Variants in NXF1 observed in about 807,000 individuals in gnomAD.
The protein encoded by NXF1 is nuclear RNA export factor 1.
NXF1 carries 43 observed loss-of-function variants against 92.4 expected under a neutral mutation model. The observed-to-expected ratio is 0.47, with a 90% CI of 0.36 to 0.60. NXF1 has a LOEUF of 0.60. NXF1 is among the 20% of genes least tolerant of loss of function. The pLI is 0.00. For missense variants in NXF1, 576 were observed against 793.0 expected, an observed-to-expected ratio of 0.73 and a Z score of 3.29; for synonymous variants, 288 against 292.2, an observed-to-expected ratio of 0.99 and a Z score of 0.15.
intron 13 of NXF1, 129 bp from the exon 14 acceptor site, chr11:62,796,696 C>T (rs1565198545): frequency 3.0e-6 from 2 of 656,226 alleles, no homozygotes; most frequent in Admixed American, 5.0e-5. Flanking sequence ...CTTTGGGAGG[C>T]TGAGATGGGT....
intron 10 of NXF1, chr11:62,800,121 G>A: frequency 7.4e-7 from 1 of 1,343,514 alleles, no homozygotes; most frequent in South Asian, 1.8e-5. Flanking sequence ...TTCTAGAAAA[G>A]GTTGTGTTCA....
rs765813168 is a variant in NXF1 at position 62,795,956 on chromosome 11, C to G, written c.1462-13G>C. 2 of 1,613,850 alleles carry G rather than the reference C, an allele frequency of 1.2e-6. No homozygotes were observed. Among genetic ancestry groups the G allele is most frequent in the African/African-American group, 1.3e-5 (1 of 74,922 alleles). On this transcript the variant is annotated splice_polypyrimidine_tract_variant and intron_variant, in intron 16 of 20. Transcript: ENST00000294172. ...ACAGCAATGTGCTCTGAAAGAGAAGCAGCATCAGGTACAATGTACACTTCT... is the reference window on the plus strand; with the variant it reads ...ACAGCAATGTGCTCTGAAAGAGAAGGAGCATCAGGTACAATGTACACTTCT...
At position 62,796,071 on chromosome 11, in the gene NXF1, G is replaced by C. The variant is rs995941688; in HGVS notation, c.1456C>G (p.Gln486Glu). Residue 486 changes from glutamine (Q) to glutamate (E), a missense_variant, in exon 16 of 21, where the codon CAG (glutamine) becomes GAG (glutamate). Around this residue, in one of 2 missense-constraint regions of NXF1, gnomAD observed 425 missense variants for 635.2 expected, o/e 0.67. Coordinates refer to ENST00000294172, the MANE Select transcript of NXF1 (RefSeq NM_006362.5). The part of the protein sequence containing the change: ...VNSFVVDISA[Q>E]TSTLLCFSVN... ...AGGCGCAAGCAGGAGCTTACTGTCT[G>C]GGCGCTTATGTCTACCACGAAGGAA... The C allele has an allele frequency of 1.2e-6, 2 of 1,613,030 alleles. No individual in the cohort carries two copies. Among genetic ancestry groups the C allele is most frequent in the African/African-American group, 1.3e-5 (1 of 74,498 alleles).
In NXF1 at chr11:62,801,647, G is replaced by A; in HGVS notation, c.640-16C>T. The A allele has an allele frequency of 6.2e-7, 1 of 1,614,010 alleles. No homozygotes were observed. Among genetic ancestry groups the A allele is most frequent in the Non-Finnish European group, 8.5e-7 (1 of 1,179,938 alleles). On this transcript the variant is annotated splice_polypyrimidine_tract_variant and intron_variant, in intron 6 of 20. Transcript: ENST00000294172. ...TCATGATCAGCTAGAGGAAAAAGAAGGGTTTAGTGGTCACTGGGTTTGTGT... is the reference window on the plus strand; with the variant it reads ...TCATGATCAGCTAGAGGAAAAAGAAAGGTTTAGTGGTCACTGGGTTTGTGT...
intron 1 of NXF1, 125 bp from the exon 2 acceptor site, chr11:62,804,103 T>A (rs1490230408): frequency 2.3e-5 from 37 of 1,576,774 alleles, no homozygotes; most frequent in Admixed American, 3.6e-5. Flanking sequence ...GCCATCTCCA[T>A]GCAAACTCCG....
intron 20 of NXF1, 59 bp from the exon 21 acceptor site, chr11:62,792,573 T>G: frequency 6.2e-7 from 1 of 1,612,938 alleles, no homozygotes; most frequent in Non-Finnish European, 8.5e-7. Flanking sequence ...GCAACCCCAC[T>G]CAGCTAACCT....
chr11:62,801,521 C>A (rs568642806), intron 7 of NXF1, 41 bp downstream of exon 7: 2 of 1,611,252 alleles, frequency 1.2e-6, no homozygotes, highest in African/African-American at 2.7e-5. Context: ...CAGATCCCAC[C>A]TTATCACCAC....
At position 62,800,424 on chromosome 11, in the gene NXF1, A is replaced by G. The variant is rs2084466459; in HGVS notation, c.969T>C (p.Asp323=). The part of the protein sequence containing the change: ...KGLKLEELWL[D]GNSLCDTFRD... ...GGAAGGTGTCACACAGGGAGTTTCC[A>G]TCGAGCCAGAGCTCTTCTAGCTTCA... Residue 323 remains aspartate (D), a synonymous_variant, in exon 10 of 21, where the codon GAT becomes GAC. Coordinates refer to ENST00000294172, the MANE Select transcript of NXF1 (RefSeq NM_006362.5). 1.2e-6 allele frequency: 2 copies of G among 1,613,938 alleles called. No homozygotes were observed. Among genetic ancestry groups the G allele is most frequent in the Admixed American group, 3.3e-5 (2 of 59,986 alleles).
chr11:62,799,853 T>A, intron 10 of NXF1: 2 of 986,698 alleles, frequency 2.0e-6, no homozygotes, highest in Non-Finnish European at 2.4e-6. Context: ...GGCCTCAACC[T>A]CAGCATGGAC....
At chr11:62,800,285 C>T in intron 10 of NXF1, 92 bp downstream of exon 10, 2 of 1,586,210 alleles carry the variant, frequency 1.3e-6, no homozygotes, top group Non-Finnish European at 1.7e-6. Context: ...CAGGGCTGCA[C>T]ATCTCCGCAG....
chr11:62,799,329 C>T (rs2084454645), intron 10 of NXF1: 5 of 985,632 alleles, frequency 5.1e-6, no homozygotes, highest in African/African-American at 1.7e-5. Flanking sequence ...GGTGAGTGGG[C>T]ACTTGCTGTT....
At chr11:62,802,903 C>T (rs553920778) in intron 3 of NXF1, among the ~76,000 whole-genome samples, 1 of 152,322 alleles carries the variant, frequency 6.6e-6, no homozygotes, top group Non-Finnish European at 1.5e-5. Context: ...GAATTACTCC[C>T]TCCCCCAACC....
rs138285302 is a variant in NXF1, at chr11:62,800,564, C to G, written c.907-78G>C. The G allele has an allele frequency of 3.5e-6, 3 of 868,144 alleles. No individual in the cohort carries two copies. In the South Asian group the frequency reaches 4.9e-5, roughly 14 times the overall value. 53.8% of individuals were successfully genotyped at this position (868,144 alleles called of 1,614,324 possible). ...TGGCTCCCCATACCCCCAGTCCCTA[C>G]GCTTAGCTCTGAGATCTTTTCTAAT... On this transcript the variant is annotated intron_variant, in intron 9 of 20. Coordinates refer to ENST00000294172, the MANE Select transcript of NXF1 (RefSeq NM_006362.5).
intron 18 of NXF1, chr11:62,794,694 G>T: frequency 3.4e-6 from 2 of 587,410 alleles, no homozygotes; most frequent in South Asian, 2.2e-5. Context: ...AATGAATATT[G>T]TTATATGAAT....
intron 10 of NXF1, chr11:62,799,354 C>G: frequency 1.0e-6 from 1 of 985,798 alleles, no homozygotes; most frequent in South Asian, 4.7e-5. Flanking sequence ...AGGTCTCTGT[C>G]TGCTACCTGG....
At chr11:62,798,776 G>T in intron 10 of NXF1, 1 of 1,388,410 alleles carries the variant, frequency 7.2e-7, no homozygotes, top group Non-Finnish European at 9.3e-7. Context: ...TGCCTTGAAG[G>T]CTGTCTCTTT....
At chr11:62,795,823 G>A in intron 17 of NXF1, 78 bp downstream of exon 17, 1 of 1,329,684 alleles carries the variant, frequency 7.5e-7, no homozygotes, top group Non-Finnish European at 1.1e-6. Context: ...GAAAGTAGCT[G>A]GGAAGCTAAG....
intron 8 of NXF1, 36 bp downstream of exon 8, chr11:62,801,293 G>A: frequency 6.2e-7 from 1 of 1,608,958 alleles, no homozygotes; most frequent in Admixed American, 1.7e-5. Context: ...AACACACCCT[G>A]CTTCCTCATG....
intron 17 of NXF1, 99 bp from the exon 18 acceptor site, chr11:62,795,106 G>T: frequency 1.7e-6 from 2 of 1,156,036 alleles, no homozygotes; most frequent in Non-Finnish European, 2.6e-6. Context: ...ATCCTAGCAA[G>T]TCAGAGAGGA....
Sources: gnomAD v4.1 joint callset for allele counts (sites outside exome capture counted in the v4.1 genomes callset) on GRCh38, gnomAD v4.1.1 for gene constraint, gnomAD v4.1.1 regional missense constraint, MANE v1.5 for transcripts, NCBI Gene and HGNC (gene_info 2026-07-23, HGNC 2026-07-21) for gene names.